MAPT: variants seen among roughly 807,000 people sequenced by gnomAD.
MAPT encodes microtubule-associated protein tau.
Under a neutral mutation model 67.9 loss-of-function variants are expected in MAPT, and 34 were observed. The observed-to-expected ratio is 0.50, with a 90% CI of 0.38 to 0.67. The LOEUF (loss-of-function observed/expected upper bound fraction) is 0.67, where lower values mean the gene tolerates loss of function less well. Among genes scored for constraint, MAPT ranks in the 30% least tolerant of loss-of-function variants. The pLI is 0.00. For missense variants in MAPT, 881 were observed against 1,115.2 expected, an observed-to-expected ratio of 0.79 and a Z score of 2.99; for synonymous variants, 456 against 464.5, an observed-to-expected ratio of 0.98 and a Z score of 0.23.
intron 11 of MAPT, among the ~76,000 whole-genome samples, chr17:46,017,440 A>ATATTTTTTTTTT (rs2076258572): frequency 1.6e-5 from 1 of 63,008 alleles, no homozygotes; most frequent in Non-Finnish European, 2.9e-5. Flanking sequence ...TGCCTGGCTA[A>ATATTTTTTTTTT]TTTTTTTTTT....
Position 46,024,178 on chromosome 17 carries a change from C to T in MAPT, c.*7C>T, listed in dbSNP as rs748593311. ...GGCCAAGCAGGGTTTGTGATCAGGC[C>T]CCTGGGGCGGTCAATAATTGTGGAG... On this transcript the variant is annotated 3_prime_UTR_variant, in exon 13 of 13. Transcript: ENST00000262410. 19 of 1,612,872 alleles carry T rather than the reference C, an allele frequency of 1.2e-5. No homozygotes were observed. The highest frequency in any genetic ancestry group is 8.3e-5 in the Admixed American group (5 of 60,002).
At chr17:45,952,690 C>G (rs1463698426) in intron 1 of MAPT, among the ~76,000 whole-genome samples, 1 of 151,948 alleles carries the variant, frequency 6.6e-6, no homozygotes, top group East Asian at 1.9e-4. Flanking sequence ...GCCTATGGAC[C>G]CACATAGAAT....
Position 46,018,627 on chromosome 17 carries a change from A to G in MAPT, c.2183A>G (p.Gln728Arg), listed in dbSNP as rs63750573. ...GNIHHKPGGG[Q>R]VEVKSEKLDF... is the part of the protein sequence containing the mutation. The stretch of plus-strand genomic sequence containing the variant: ...GTGTGTTGTGTTCTAGGAGGTGGCC[A>G]GGTGGAAGTAAAATCTGAGAAGCTT... The change falls in exon 12 of 13, where the codon CAG (glutamine) becomes CGG (arginine). Residue 728 changes from glutamine (Q) to arginine (R), a missense_variant. Transcript: ENST00000262410. 1.9e-6 allele frequency: 3 copies of G among 1,612,840 alleles called. No individual in the cohort carries two copies. The highest frequency in any genetic ancestry group is 2.5e-6 in the Non-Finnish European group (3 of 1,178,764).
intron 9 of MAPT, among the ~76,000 whole-genome samples, chr17:46,004,811 T>C (rs892797035): frequency 2.0e-5 from 3 of 152,022 alleles, no homozygotes; most frequent in African/African-American, 7.2e-5. Flanking sequence ...TGAGACAGAG[T>C]TTCACTCTGT....
intron 2 of MAPT, among the ~76,000 whole-genome samples, chr17:45,967,929 C>G (rs2071254315): frequency 6.6e-6 from 1 of 152,144 alleles, no homozygotes; most frequent in Admixed American, 6.5e-5. Context: ...CTGGCCAGTT[C>G]CTCCCACAAC....
chr17:46,018,919 C>T (rs994764490), intron 12 of MAPT, among the ~76,000 whole-genome samples, 189 bp downstream of exon 12: 7 of 152,146 alleles, frequency 4.6e-5, no homozygotes, highest in African/African-American at 1.2e-4. Context: ...AGCTTTAGCA[C>T]GTTTCACACC....
chr17:45,983,248 G>A lies in MAPT; in HGVS notation c.669G>A (p.Gln223=). 6.2e-7 allele frequency: 1 copy of A among 1,602,488 alleles called. No individual in the cohort carries two copies. Among genetic ancestry groups the A allele is most frequent in the Non-Finnish European group, 8.5e-7 (1 of 1,174,854 alleles). The change falls in exon 5 of 13, where the codon CAG becomes CAA. Residue 223 remains glutamine, a synonymous_variant. Coordinates refer to ENST00000262410, the MANE Select transcript of MAPT (RefSeq NM_001377265.1). ...REPGPPGLSH[Q]LMSGMPGAPL... Reference sequence around the variant, plus strand: ...CAGGCCCCCCAGGTCTGAGCCACCAGCTCATGTCCGGCATGCCTGGGGCTC... The same window carrying A: ...CAGGCCCCCCAGGTCTGAGCCACCAACTCATGTCCGGCATGCCTGGGGCTC...
chr17:45,946,486 C>T (rs1163594172), intron 1 of MAPT, among the ~76,000 whole-genome samples: 4 of 150,774 alleles, frequency 2.7e-5, no homozygotes, highest in Non-Finnish European at 5.9e-5. Flanking sequence ...GTAGTCCCAG[C>T]TACTTGGGAG....
At chr17:46,000,289 T>G (rs1252790457) in intron 9 of MAPT, among the ~76,000 whole-genome samples, 1 of 152,240 alleles carries the variant, frequency 6.6e-6, no homozygotes, top group Admixed American at 6.5e-5. Flanking sequence ...TGCTTTTCTC[T>G]GTTTTCTTCT....
chr17:45,936,117 A>G (rs113756354), intron 1 of MAPT, among the ~76,000 whole-genome samples: 21,790 of 152,144 alleles, frequency 0.14, 2,114 homozygotes, highest in Middle Eastern at 0.22. Flanking sequence ...CCGAGGGGTC[A>G]CTTTGCTCTG....
At chr17:45,901,074 G>T (rs2063580077) in intron 1 of MAPT, among the ~76,000 whole-genome samples, 1 of 152,190 alleles carries the variant, frequency 6.6e-6, no homozygotes, top group African/African-American at 2.4e-5. Context: ...CAACTACCCA[G>T]CTCCCCTGCA....
At chr17:45,911,291 A>C (rs2064770570) in intron 1 of MAPT, among the ~76,000 whole-genome samples, 1 of 152,220 alleles carries the variant, frequency 6.6e-6, no homozygotes, top group African/African-American at 2.4e-5. Context: ...TAATTGATTC[A>C]CGAGTGAATA....
chr17:45,916,716 C>T (rs1372361034), intron 1 of MAPT, among the ~76,000 whole-genome samples: 1 of 152,230 alleles, frequency 6.6e-6, no homozygotes, highest in Non-Finnish European at 1.5e-5. Flanking sequence ...GAAAAGTCTG[C>T]AGAGAGGTGC....
At chr17:46,014,567 G>A (rs1188163702) in intron 11 of MAPT, among the ~76,000 whole-genome samples, 7 of 152,158 alleles carry the variant, frequency 4.6e-5, no homozygotes, top group Non-Finnish European at 1.0e-4. Flanking sequence ...AAATAAGGCA[G>A]GCACAGAAAG....
chr17:45,954,391 G>T (rs747528844), intron 1 of MAPT, among the ~76,000 whole-genome samples: 39 of 152,180 alleles, frequency 2.6e-4, no homozygotes, highest in Non-Finnish European at 5.0e-4. Context: ...GGAGGCCGAG[G>T]CAGGCGGATC....
chr17:45,957,352 T>C (rs1268726795), intron 1 of MAPT, among the ~76,000 whole-genome samples: 2 of 152,238 alleles, frequency 1.3e-5, no homozygotes, highest in African/African-American at 4.8e-5. Context: ...TGGCCAGTGA[T>C]GATGAGCATT....
chr17:45,953,003 T>TATGATGATGATGATG (rs72430786), intron 1 of MAPT, among the ~76,000 whole-genome samples: 98 of 149,526 alleles, frequency 6.6e-4, no homozygotes, highest in Middle Eastern at 3.4e-3. Flanking sequence ...TCATAACACC[T>TATGATGATGATGATG]ATGATGATGA....
chr17:45,933,056 C>T (rs1358494531), intron 1 of MAPT, among the ~76,000 whole-genome samples: 3 of 151,826 alleles, frequency 2.0e-5, no homozygotes, highest in Admixed American at 2.0e-4. Context: ...CACTCTAGCC[C>T]CAGCAACAAG....
intron 9 of MAPT, among the ~76,000 whole-genome samples, chr17:46,009,360 T>TTGCAGGGACAGAGCCCTCGTAC (rs1415176190): frequency 3.3e-5 from 4 of 121,310 alleles, no homozygotes; most frequent in Non-Finnish European, 6.3e-5. Flanking sequence ...TTCTATTTCA[T>TTGCAGGGACAGAGCCCTCGTAC]AGTTCTTAGG....
Sources: gnomAD v4.1 joint callset for allele counts (sites outside exome capture counted in the v4.1 genomes callset) on GRCh38, gnomAD v4.1.1 for gene constraint, MANE v1.5 for transcripts, NCBI Gene and HGNC (gene_info 2026-07-23, HGNC 2026-07-21) for gene names.